Variants in KIF21A observed in about 807,000 individuals in gnomAD.
KIF21A encodes kinesin family member 21A, also known as kinesin-like protein KIF21A.
In KIF21A, 114 loss-of-function variants were observed where a neutral mutation model predicts 202.9. That is an observed-to-expected ratio of 0.56 (90% CI 0.48 to 0.66). The LOEUF is 0.66. KIF21A is among the 30% of genes least tolerant of loss of function. KIF21A has a pLI of 0.00. For synonymous variants in KIF21A, 667 were observed against 670.8 expected (o/e 0.99, Z 0.09); for missense variants, 1,677 against 1,994.9 (o/e 0.84, Z 3.04).
chr12:39,336,131 C>T lies in KIF21A; in HGVS notation c.2418+965G>A, dbSNP rs575223078. Among the ~76,000 whole-genome samples the T allele has an allele frequency of 2.0e-5, 3 of 152,236 alleles. No individual in the cohort carries two copies. The South Asian group carries it at 6.2e-4, about 32-fold the overall frequency. On this transcript the variant is annotated intron_variant, in intron 17 of 37. Coordinates refer to ENST00000361418, the MANE Select transcript of KIF21A (RefSeq NM_001173464.2). ...CAGTCTTGCTGTGTTGTTGTTCAGA[C>T]TAGTCTAGAACTCCTGGGCTCAAAG...
At chr12:39,342,184 C>A in intron 12 of KIF21A, 60 bp from the exon 13 acceptor site, 2 of 1,207,502 alleles carry the variant, frequency 1.7e-6, no homozygotes, top group East Asian at 4.7e-5. Context: ...TTCACTTTTT[C>A]TCCCTCAGAT....
At chr12:39,399,590 G>A (rs1952012815) in intron 1 of KIF21A, among the ~76,000 whole-genome samples, 1 of 152,216 alleles carries the variant, frequency 6.6e-6, no homozygotes, top group Non-Finnish European at 1.5e-5. Context: ...TGAGACATAT[G>A]AGACACTCTG....
At chr12:39,387,363 A>G (rs895080064) in intron 1 of KIF21A, among the ~76,000 whole-genome samples, 1 of 152,110 alleles carries the variant, frequency 6.6e-6, no homozygotes, top group Non-Finnish European at 1.5e-5. Context: ...AGAACAACAG[A>G]CAATAGAGAA....
Position 39,294,397 on chromosome 12 carries a change from C to A in KIF21A, c.*27G>T. The stretch of plus-strand genomic sequence containing the variant: ...GAATACAGAGTATTATCACAGCATT[C>A]AGTTTACAACCTATCTTCATTCATG... On this transcript the variant is annotated 3_prime_UTR_variant, in exon 38 of 38. Transcript: ENST00000361418. 1 of 1,496,450 alleles carries A rather than the reference C, an allele frequency of 6.7e-7. No individual in the cohort carries two copies. The highest frequency in any genetic ancestry group is 1.1e-5 in the South Asian group (1 of 88,646). The allele number at this position is 1,496,450 out of a possible 1,614,324, so 92.7% of individuals were successfully genotyped here.
intron 10 of KIF21A, among the ~76,000 whole-genome samples, chr12:39,352,907 T>G (rs142826517): frequency 6.6e-6 from 1 of 151,910 alleles, no homozygotes; most frequent in Admixed American, 6.6e-5. Context: ...ATTCAGAGAG[T>G]CCTCTAGGCC....
chr12:39,332,198 T>G lies in KIF21A; in HGVS notation c.3051+16A>C, dbSNP rs1946566049. On this transcript the variant is annotated intron_variant, in intron 21 of 37. Coordinates refer to ENST00000361418, the MANE Select transcript of KIF21A (RefSeq NM_001173464.2). ...ACTTTTCATTAAACCATTACGCTTTTTTAAAAATTACAAACCTTTGCTTCT... is the reference window on the plus strand; with the variant it reads ...ACTTTTCATTAAACCATTACGCTTTGTTAAAAATTACAAACCTTTGCTTCT... 1 of 1,610,302 alleles carries G rather than the reference T, an allele frequency of 6.2e-7. No individual in the cohort carries two copies. The highest frequency in any genetic ancestry group is 8.5e-7 in the Non-Finnish European group (1 of 1,177,368).
chr12:39,366,907 A>G (rs1949639365), intron 5 of KIF21A, 123 bp downstream of exon 5: 1 of 975,696 alleles, frequency 1.0e-6, no homozygotes, highest in African/African-American at 1.6e-5. Flanking sequence ...AGGATCAGAA[A>G]AGGAAATTAG....
chr12:39,313,947 A>G (rs577699350), intron 31 of KIF21A, among the ~76,000 whole-genome samples: 1 of 151,892 alleles, frequency 6.6e-6, no homozygotes, highest in East Asian at 1.9e-4. Flanking sequence ...TGATGAAACT[A>G]TTGAGCTGAT....
intron 1 of KIF21A, among the ~76,000 whole-genome samples, chr12:39,382,613 A>G (rs762781571): frequency 1.3e-5 from 2 of 152,224 alleles, no homozygotes; most frequent in Non-Finnish European, 2.9e-5. Flanking sequence ...TTATTTTTAT[A>G]GTGTATTTGA....
chr12:39,425,868 C>T (rs748781613), intron 1 of KIF21A, among the ~76,000 whole-genome samples: 6 of 150,716 alleles, frequency 4.0e-5, no homozygotes, highest in Admixed American at 2.0e-4. Context: ...ATGTTTCTGC[C>T]GCTTCCTTAT....
intron 1 of KIF21A, among the ~76,000 whole-genome samples, chr12:39,409,130 C>T (rs945373308): frequency 6.6e-6 from 1 of 151,594 alleles, no homozygotes; most frequent in Non-Finnish European, 1.5e-5. Flanking sequence ...ATCACCACAC[C>T]CAGCCAAAAA....
rs866560111 is a variant in KIF21A at position 39,333,083 on chromosome 12, T to C, written c.2512A>G (p.Arg838Gly). ...CCAGCCACTTTATCTGACATGGGTC[T>C]TACTTGCCGACGAAGAGCCGTAACC... Reference protein sequence around the residue: ...EEVTALRRQVRPMSDKVAGKV... With the variant: ...EEVTALRRQVGPMSDKVAGKV... The change falls in exon 19 of 38, where the codon AGA becomes GGA. Residue 838 changes from arginine to glycine, a missense_variant. By Grantham distance (125) the Arg-to-Gly change is moderately radical. Around this residue, in one of 3 missense-constraint regions of KIF21A, gnomAD observed 966 missense variants for 1,180.9 expected, o/e 0.82. Coordinates refer to ENST00000361418, the MANE Select transcript of KIF21A (RefSeq NM_001173464.2). The C allele has an allele frequency of 6.2e-7, 1 of 1,614,006 alleles. No homozygotes were observed. The highest frequency in any genetic ancestry group is 1.1e-5 in the South Asian group (1 of 91,088).
Position 39,311,504 on chromosome 12 carries a change from G to T in KIF21A, c.4009C>A (p.Leu1337Ile), listed in dbSNP as rs931031780. ...PASKGIRAFP[L>I]QCIHIAEGHT... ...CCTTCAGCTATGTGAATACACTGAAGTGGAAAAGCTCTGATTCCTTTTGAA... is the reference window on the plus strand; with the variant it reads ...CCTTCAGCTATGTGAATACACTGAATTGGAAAAGCTCTGATTCCTTTTGAA... Residue 1337 changes from leucine to isoleucine, a missense_variant, in exon 32 of 38, where the codon CTT becomes ATT. By Grantham distance (5) the Leu-to-Ile change is conservative. This residue lies in a region of KIF21A where 705 missense variants were observed against 791.9 expected (regional missense o/e 0.89). Transcript: ENST00000361418. The T allele has an allele frequency of 1.9e-6, 3 of 1,613,060 alleles. No homozygotes were observed. The highest frequency in any genetic ancestry group is 2.5e-6 in the Non-Finnish European group (3 of 1,179,286).
intron 31 of KIF21A, among the ~76,000 whole-genome samples, chr12:39,314,404 T>C (rs1247930951): frequency 1.3e-5 from 2 of 151,848 alleles, no homozygotes; most frequent in African/African-American, 2.4e-5. Context: ...GTCTTAAGGT[T>C]CATAGATATG....
At position 39,310,123 on chromosome 12, in the gene KIF21A, T is replaced by C. The variant is rs567843936; in HGVS notation, c.4097-357A>G. ...TTCAAAACATTCTTCTCTGATCATA[T>C]TCCTACCTCCTCACAACATTCTCAA... On this transcript the variant is annotated intron_variant, in intron 32 of 37. Transcript: ENST00000361418. Among the ~76,000 whole-genome samples the C allele has an allele frequency of 4.7e-4, 71 of 152,218 alleles. 1 individual carries two copies. The highest frequency in any genetic ancestry group is 4.4e-3 in the Admixed American group (67 of 15,290).
chr12:39,434,036 G>T (rs1938334076), intron 1 of KIF21A, among the ~76,000 whole-genome samples: 1 of 152,124 alleles, frequency 6.6e-6, no homozygotes, highest in Non-Finnish European at 1.5e-5. Flanking sequence ...GCCCATCGTT[G>T]GTGTCCTAGT....
chr12:39,402,032 TAAAACA>T (rs1952205690), intron 1 of KIF21A, among the ~76,000 whole-genome samples: 1 of 152,082 alleles, frequency 6.6e-6, no homozygotes, highest in Non-Finnish European at 1.5e-5. Flanking sequence ...AATATATTGA[TAAAACA>T]AAAACAAAAT....
At chr12:39,332,815 G>T in intron 19 of KIF21A, 71 bp from the exon 20 acceptor site, 1 of 1,601,998 alleles carries the variant, frequency 6.2e-7, no homozygotes, top group Non-Finnish European at 8.6e-7. Flanking sequence ...CAAATAATGA[G>T]CCATTTTTTC....
chr12:39,373,105 T>C (rs1950063843), intron 1 of KIF21A, among the ~76,000 whole-genome samples: 1 of 152,194 alleles, frequency 6.6e-6, no homozygotes, highest in South Asian at 2.1e-4. Flanking sequence ...CACACTGTAA[T>C]ATGAGTAATT....
Sources: allele counts gnomAD v4.1 joint callset (sites outside exome capture counted in the v4.1 genomes callset), GRCh38; gene constraint gnomAD v4.1.1; regional missense constraint gnomAD v4.1.1; transcripts MANE v1.5; gene names NCBI Gene and HGNC (gene_info 2026-07-23, HGNC 2026-07-21).